MARCHF10: variants seen among roughly 807,000 people sequenced by gnomAD.
MARCHF10 encodes probable E3 ubiquitin-protein ligase MARCHF10.
Under a neutral mutation model 76.2 loss-of-function variants are expected in MARCHF10, and 64 were observed. That is an observed-to-expected ratio of 0.84 (90% confidence interval 0.69 to 1.03). The LOEUF (loss-of-function observed/expected upper bound fraction) is 1.03. Among genes scored for constraint, MARCHF10 ranks in the 50% least tolerant of loss-of-function variants. The pLI is 0.00. For missense variants in MARCHF10, 875 were observed against 958.0 expected, an observed-to-expected ratio of 0.91 and a Z score of 1.14; for synonymous variants, 340 against 357.5, an observed-to-expected ratio of 0.95 and a Z score of 0.55.
At chr17:62,774,117 T>C (rs1046434073) in intron 3 of MARCHF10, among the ~76,000 whole-genome samples, 1 of 152,162 alleles carries the variant, frequency 6.6e-6, no homozygotes, top group Non-Finnish European at 1.5e-5. Context: ...GAAGTGTCAC[T>C]GGGAAATGGT....
chr17:62,704,019 G>T (rs2089414103), intron 10 of MARCHF10, among the ~76,000 whole-genome samples: 1 of 152,102 alleles, frequency 6.6e-6, no homozygotes, highest in African/African-American at 2.4e-5. Context: ...CGGGAAAAGC[G>T]AGGCGTCTCC....
chr17:62,807,955 G>C (rs2093187395), intron 1 of MARCHF10, 122 bp downstream of exon 1: 1 of 152,276 alleles, frequency 6.6e-6, no homozygotes, highest in Non-Finnish European at 1.5e-5. Context: ...CGAGGGGAGG[G>C]GACGGCCAGG....
At chr17:62,804,620 C>T (rs778381849) in intron 1 of MARCHF10, among the ~76,000 whole-genome samples, 2 of 152,114 alleles carry the variant, frequency 1.3e-5, no homozygotes, top group Admixed American at 6.5e-5. Flanking sequence ...GAGGCAAAGG[C>T]GTGGAGATCA....
intron 5 of MARCHF10, among the ~76,000 whole-genome samples, chr17:62,742,875 C>A (rs1207901006): frequency 6.6e-6 from 1 of 152,028 alleles, no homozygotes. Flanking sequence ...CTCAAGTGAT[C>A]TTCCACCTCC....
At chr17:62,774,782 A>G (rs5013662) in intron 3 of MARCHF10, among the ~76,000 whole-genome samples, 75,434 of 151,896 alleles carry the variant, frequency 0.5, 20,279 homozygotes, top group East Asian at 0.71. Context: ...AAGGCCGGGC[A>G]TGGTGGCTCA....
intron 8 of MARCHF10, among the ~76,000 whole-genome samples, chr17:62,719,517 C>G (rs1389335860): frequency 6.6e-6 from 1 of 151,982 alleles, no homozygotes; most frequent in Non-Finnish European, 1.5e-5. Context: ...TCTTTACTCC[C>G]CTTTAGGGAA....
intron 3 of MARCHF10, among the ~76,000 whole-genome samples, chr17:62,770,648 C>T (rs1188347013): frequency 1.3e-5 from 2 of 148,982 alleles, no homozygotes; most frequent in Non-Finnish European, 1.5e-5. Flanking sequence ...TCAAACTGTT[C>T]TCATGCCTCA....
chr17:62,770,072 A>G (rs182270978), intron 3 of MARCHF10, among the ~76,000 whole-genome samples: 157 of 152,212 alleles, frequency 1.0e-3, no homozygotes, highest in Non-Finnish European at 2.2e-4. Context: ...GTTTATATCC[A>G]TGTGTGCTCA....
In MARCHF10 at chr17:62,765,578, G is replaced by A. The variant is rs76942256; in HGVS notation, c.211-5572C>T. ...AGTCTTCATAACATTCCATCACTAC[G>A]GGGGTGCCCTCTGAAGGAGAGGCAT... On this transcript the variant is annotated intron_variant, in intron 3 of 10. Transcript: ENST00000311269. Among the ~76,000 whole-genome samples, 56 of 152,156 alleles carry A rather than the reference G, an allele frequency of 3.7e-4. No individual in the cohort carries two copies. In the East Asian group the frequency reaches 0.011, roughly 29 times the overall value.
chr17:62,768,922 A>G (rs970619256), intron 3 of MARCHF10, among the ~76,000 whole-genome samples: 2 of 152,198 alleles, frequency 1.3e-5, no homozygotes, highest in Non-Finnish European at 1.5e-5. Flanking sequence ...TGGATCAATG[A>G]TTCAGTCAAG....
At chr17:62,747,554 T>G (rs961726191) in intron 4 of MARCHF10, among the ~76,000 whole-genome samples, 5 of 152,224 alleles carry the variant, frequency 3.3e-5, no homozygotes, top group East Asian at 1.9e-4. Flanking sequence ...ATCTTGTTAC[T>G]GTGAAGTTTA....
At position 62,759,869 on chromosome 17, in the gene MARCHF10, T is replaced by C; in HGVS notation, c.348A>G (p.Lys116=). The C allele has an allele frequency of 6.2e-7, 1 of 1,614,160 alleles. No homozygotes were observed. Among genetic ancestry groups the C allele is most frequent in the Non-Finnish European group, 8.5e-7 (1 of 1,180,024 alleles). Residue 116 remains lysine (K), a synonymous_variant, in exon 4 of 11, where the codon AAA becomes AAG. Coordinates refer to ENST00000311269, the MANE Select transcript of MARCHF10 (RefSeq NM_152598.4). ...QKHKSTMTVR[K]AEKVDPSEPS... The stretch of plus-strand genomic sequence containing the variant: ...GTTCGCTGGGGTCCACTTTCTCTGC[T>C]TTCCTTACAGTCATGGTACTTTTAT...
intron 2 of MARCHF10, chr17:62,794,973 C>T (rs946124609): frequency 4.1e-6 from 4 of 975,290 alleles, no homozygotes; most frequent in Non-Finnish European, 4.9e-6. Flanking sequence ...TCCCCTCCAG[C>T]TAGTTTTTTT....
chr17:62,725,171 C>T lies in MARCHF10; in HGVS notation c.1938-67G>A, dbSNP rs148390699. On this transcript the variant is annotated intron_variant, in intron 6 of 10. Transcript: ENST00000311269. ...TTTGCAGTTTCTACAAATACCAGTT[C>T]CCAGAGCATTGACAGAGAAGGAAGA... 1,619 of 1,431,474 alleles carry T rather than the reference C, an allele frequency of 1.1e-3. 10 individuals are homozygous for T. The African/African-American group carries it at 0.02, about 18-fold the overall frequency. The allele number at this position is 1,431,474 out of a possible 1,614,324, so 88.7% of individuals were successfully genotyped here. A position where few individuals can be genotyped will look rare whatever the true frequency, so the allele number is the denominator to read the frequency against.
rs532285231 is a variant in MARCHF10 at position 62,803,263 on chromosome 17, G to A, written c.-17-1511C>T. ...TGGTCATGCCACTGCACTCTAACCT[G>A]GGCAACAGAGCAAGACCCTGTCTGT... On this transcript the variant is annotated intron_variant, in intron 1 of 10. Transcript: ENST00000311269. Among the ~76,000 whole-genome samples the A allele has an allele frequency of 2.0e-5, 3 of 152,086 alleles. No individual in the cohort carries two copies. In the South Asian group the frequency reaches 6.2e-4, roughly 32 times the overall value.
intron 9 of MARCHF10, among the ~76,000 whole-genome samples, chr17:62,707,201 G>A (rs2089645698): frequency 6.6e-6 from 1 of 152,160 alleles, no homozygotes; most frequent in Non-Finnish European, 1.5e-5. Flanking sequence ...CTCCTGGCCT[G>A]CCAATCCCAG....
At chr17:62,730,980 A>G (rs1486624660) in intron 6 of MARCHF10, among the ~76,000 whole-genome samples, 1 of 152,230 alleles carries the variant, frequency 6.6e-6, no homozygotes, top group Non-Finnish European at 1.5e-5. Flanking sequence ...TGGTAGAATC[A>G]GGAATGAAAT....
chr17:62,718,303 C>G (rs762041364), intron 8 of MARCHF10, among the ~76,000 whole-genome samples: 5 of 152,138 alleles, frequency 3.3e-5, no homozygotes, highest in Non-Finnish European at 5.9e-5. Flanking sequence ...TTCAGTGGGA[C>G]CTGCGGCCTC....
intron 2 of MARCHF10, among the ~76,000 whole-genome samples, chr17:62,801,014 T>C (rs1255435894): frequency 1.3e-5 from 2 of 152,184 alleles, no homozygotes; most frequent in Non-Finnish European, 2.9e-5. Context: ...TCTCAGTTGG[T>C]TTGTCAAATT....
Sources: allele counts gnomAD v4.1 joint callset (sites outside exome capture counted in the v4.1 genomes callset), GRCh38; gene constraint gnomAD v4.1.1; transcripts MANE v1.5; gene names NCBI Gene and HGNC (gene_info 2026-07-23, HGNC 2026-07-21).